The following MYT1L variants were observed in gnomAD, a reference collection of about 807,000 sequenced individuals.
MYT1L encodes the protein myelin transcription factor 1 like.
In MYT1L, 12 loss-of-function variants were observed where a neutral mutation model predicts 126.7. The ratio of observed to expected loss-of-function variants is 0.09; its 90% CI spans 0.06 to 0.15. The LOEUF (loss-of-function observed/expected upper bound fraction) is 0.15. Among genes scored for constraint, MYT1L ranks in the 10% least tolerant of loss-of-function variants. MYT1L has a pLI of 1.00. For missense variants in MYT1L, 979 were observed against 1,585.2 expected (o/e 0.62, Z 6.49); for synonymous variants, 541 against 604.2 (o/e 0.90, Z 1.53).
rs141092910 is a variant in MYT1L at position 1,889,561 on chromosome 2, C to T, written c.2284-84G>A. On this transcript the variant is annotated intron_variant, in intron 15 of 24. Coordinates refer to ENST00000647738, the MANE Select transcript of MYT1L (RefSeq NM_001303052.2). The surrounding 1 kb of genome is among the most constrained non-coding windows in gnomAD (Gnocchi z 4.1). ...CCTTCCTCCCAGATTACAGTCCTGC[C>T]GTCAGCCAGTGTAGCGTTCAACACA... is the stretch of plus-strand genomic sequence containing the variant. The T allele has an allele frequency of 2.3e-4, 265 of 1,144,334 alleles. 3 individuals carry two copies. In the East Asian group the frequency reaches 6.0e-3, roughly 26 times the overall value. 70.9% of individuals were successfully genotyped at this position (1,144,334 alleles called of 1,614,324 possible).
At chr2:1,953,992 G>A (rs2149335791) in intron 8 of MYT1L, among the ~76,000 whole-genome samples, 1 of 152,272 alleles carries the variant, frequency 6.6e-6, no homozygotes, top group East Asian at 1.9e-4. Flanking sequence ...AGGTTGACGG[G>A]GCTCCCTGGA....
chr2:1,871,986 G>A (rs140825140), intron 18 of MYT1L, among the ~76,000 whole-genome samples: 55 of 152,250 alleles, frequency 3.6e-4, no homozygotes, highest in Middle Eastern at 3.4e-3. Flanking sequence ...TGCATTATTC[G>A]TAGAGACAAT....
At chr2:2,187,828 A>G (rs542971618) in intron 2 of MYT1L, among the ~76,000 whole-genome samples, 99 of 152,294 alleles carry the variant, frequency 6.5e-4, no homozygotes, top group African/African-American at 2.3e-3. Flanking sequence ...TACACCTATG[A>G]GTACATTCTT....
intron 1 of MYT1L, among the ~76,000 whole-genome samples, chr2:2,289,980 C>T (rs2095575556): frequency 6.6e-6 from 1 of 152,160 alleles, no homozygotes; most frequent in African/African-American, 2.4e-5. Flanking sequence ...AAATGTGCTC[C>T]CTGGGGAAGA....
In MYT1L at chr2:2,177,719, C is replaced by A. The variant is rs182118170; in HGVS notation, c.-420-4731G>T. On this transcript the variant is annotated intron_variant, in intron 2 of 24. Transcript: ENST00000647738. ...AAACTGCCTTATAAAACCATCAGAT[C>A]TTATGAGAACTCACTCACTATCATG... 4.2e-3 allele frequency among the ~76,000 whole-genome samples: 636 copies of A among 152,262 alleles called. 4 individuals carry two copies. Among genetic ancestry groups the A allele is most frequent in the Middle Eastern group, 0.017 (5 of 294 alleles).
chr2:1,953,711 C>T (rs1477509024), intron 8 of MYT1L, among the ~76,000 whole-genome samples: 1 of 152,148 alleles, frequency 6.6e-6, no homozygotes, highest in Non-Finnish European at 1.5e-5. Context: ...CCTCTGTTTC[C>T]ACGGACTGAG....
intron 3 of MYT1L, among the ~76,000 whole-genome samples, chr2:2,065,184 C>A (rs1228777559): frequency 6.6e-6 from 1 of 151,866 alleles, no homozygotes; most frequent in Non-Finnish European, 1.5e-5. Context: ...GGCTACAGGG[C>A]AAGATCCTGT....
chr2:1,959,945 G>A (rs1168840717), intron 8 of MYT1L, among the ~76,000 whole-genome samples: 2 of 152,154 alleles, frequency 1.3e-5, no homozygotes, highest in Admixed American at 6.5e-5. Flanking sequence ...TGCAGCAAAT[G>A]ATCTTATTTA....
At chr2:2,295,677 G>GAGAGAC (rs2095671480) in intron 1 of MYT1L, among the ~76,000 whole-genome samples, 1 of 103,766 alleles carries the variant, frequency 9.6e-6, no homozygotes, top group Non-Finnish European at 2.1e-5. Context: ...GAGAGAGAGA[G>GAGAGAC]AGACAGACAG....
In MYT1L at chr2:1,910,475, C is replaced by G. The variant is rs1360393451; in HGVS notation, c.1710-128G>C. Reference sequence around the variant, plus strand: ...GGGAGGGGTAGTTTCCCAAACCTGGCACAGGCAGTCCTGATGGGTGGACTG... The same window carrying G: ...GGGAGGGGTAGTTTCCCAAACCTGGGACAGGCAGTCCTGATGGGTGGACTG... On this transcript the variant is annotated intron_variant, in intron 12 of 24. Coordinates refer to ENST00000647738, the MANE Select transcript of MYT1L (RefSeq NM_001303052.2). The surrounding 1 kb of genome is among the most constrained non-coding windows in gnomAD (Gnocchi z 4.8). The G allele has an allele frequency of 1.6e-5, 12 of 768,618 alleles. No homozygotes were observed. The Admixed American group carries it at 2.5e-4, about 16-fold the overall frequency. The allele number at this position is 768,618 out of a possible 1,614,324, so 47.6% of individuals were successfully genotyped here. A position where few individuals can be genotyped will look rare whatever the true frequency, so the allele number is the denominator to read the frequency against.
intron 1 of MYT1L, among the ~76,000 whole-genome samples, chr2:2,327,366 T>C (rs1295419632): frequency 6.6e-6 from 1 of 152,154 alleles, no homozygotes; most frequent in African/African-American, 2.4e-5. Flanking sequence ...CAGAATACAG[T>C]ATGATGAAAC....
chr2:2,300,488 T>C (rs1381869459), intron 1 of MYT1L, among the ~76,000 whole-genome samples: 2 of 152,250 alleles, frequency 1.3e-5, no homozygotes, highest in African/African-American at 4.8e-5. Flanking sequence ...AGAATCTCTC[T>C]CTTTACATCT....
At chr2:2,173,479 CACA>C (rs556146022) in intron 2 of MYT1L, among the ~76,000 whole-genome samples, 3 of 152,174 alleles carry the variant, frequency 2.0e-5, no homozygotes, top group South Asian at 2.1e-4. Context: ...ATCTTACTAT[CACA>C]ACAACAAAAG....
chr2:1,930,316 G>A (rs993111932), intron 9 of MYT1L, among the ~76,000 whole-genome samples: 93 of 152,316 alleles, frequency 6.1e-4, no homozygotes, highest in African/African-American at 1.6e-3. Context: ...GGAGCAGAGC[G>A]GCACACCTGC....
In MYT1L at chr2:2,324,628, G is replaced by A. The variant is rs773708122; in HGVS notation, c.-521+6339C>T. 21 of 152,710 alleles carry A rather than the reference G, an allele frequency of 1.4e-4. 1 individual carries two copies. Among genetic ancestry groups the A allele is most frequent in the Non-Finnish European group, 1.5e-5 (1 of 68,092 alleles). The allele number at this position is 152,710 out of a possible 1,614,324, so 9.5% of individuals were successfully genotyped here. A position where few individuals can be genotyped will look rare whatever the true frequency, so the allele number is the denominator to read the frequency against. On this transcript the variant is annotated intron_variant, in intron 1 of 24. Coordinates refer to ENST00000647738, the MANE Select transcript of MYT1L (RefSeq NM_001303052.2). ...GCGTACAGCGCTCTGCCGGGCGGGT[G>A]AAGTGCAGCCTCCATCAAAAGGCAG...
chr2:1,908,643 C>T (rs577108329), intron 13 of MYT1L, among the ~76,000 whole-genome samples: 18 of 152,178 alleles, frequency 1.2e-4, no homozygotes, highest in Non-Finnish European at 2.2e-4. Flanking sequence ...TGCTGGATTA[C>T]GCAGCCCCGC....
chr2:2,314,168 G>C (rs2096023248), intron 1 of MYT1L, among the ~76,000 whole-genome samples: 1 of 152,260 alleles, frequency 6.6e-6, no homozygotes, highest in South Asian at 2.1e-4. Context: ...CATATGTTCA[G>C]ATCATAGAAT....
At chr2:1,869,489 G>T (rs140739073) in intron 18 of MYT1L, among the ~76,000 whole-genome samples, 1 of 152,128 alleles carries the variant, frequency 6.6e-6, no homozygotes, top group South Asian at 2.1e-4. Context: ...GCATGTGGTC[G>T]GTGTAACAGA....
chr2:1,886,976 T>C (rs1197309638), intron 17 of MYT1L: 1 of 403,150 alleles, frequency 2.5e-6, no homozygotes, highest in African/African-American at 2.1e-5. Context: ...ATTCAACATT[T>C]TTACTTTGAC....
Sources: gnomAD v4.1 joint callset for allele counts (sites outside exome capture counted in the v4.1 genomes callset) on GRCh38, gnomAD v4.1.1 for gene constraint, Gnocchi (gnomAD v3.1) non-coding constraint, MANE v1.5 for transcripts, NCBI Gene and HGNC (gene_info 2026-07-23, HGNC 2026-07-21) for gene names.